The following MCM9 variants were observed in gnomAD, a reference collection of about 807,000 sequenced individuals.
MCM9 encodes the protein DNA helicase MCM9.
A neutral mutation model predicts 72.8 loss-of-function variants in MCM9; 55 were observed. The ratio of observed to expected loss-of-function variants is 0.76; its 90% CI spans 0.61 to 0.95. MCM9 has a LOEUF of 0.95. Ranked by LOEUF, MCM9 falls within the 40% of genes least tolerant of loss-of-function variation. The probability of loss-of-function intolerance (pLI) is 0.00; values close to 1 mark genes in which losing one functional copy is unlikely to be tolerated. For synonymous variants in MCM9, 480 were observed against 503.4 expected, an observed-to-expected ratio of 0.95 and a Z score of 0.62; for missense variants, 1,279 against 1,377.0, an observed-to-expected ratio of 0.93 and a Z score of 1.13.
Position 118,815,071 on chromosome 6 carries a change from C to G in MCM9, c.3185G>C (p.Cys1062Ser), listed in dbSNP as rs776426031. 1.3e-6 allele frequency: 2 copies of G among 1,550,780 alleles called. No individual in the cohort carries two copies. Among genetic ancestry groups the G allele is most frequent in the Admixed American group, 2.0e-5 (1 of 50,992 alleles). ...TTTGGATTCCGATGGGGGAGTAAAG[C>G]AGAAGTTTGCCAATCTGGCTAATGT... ...ACTLARLANF[C>S]FTPPSESKSK... Residue 1062 changes from cysteine (C) to serine (S), a missense_variant, in exon 14 of 14, where the codon TGC becomes TCC. Coordinates refer to ENST00000619706, the MANE Select transcript of MCM9 (RefSeq NM_017696.3).
At chr6:118,827,139 A>C (rs1774221629) in intron 11 of MCM9, among the ~76,000 whole-genome samples, 1 of 152,252 alleles carries the variant, frequency 6.6e-6, no homozygotes, top group African/African-American at 2.4e-5. Context: ...CATACATTTA[A>C]TATTCAGCAA....
Position 118,829,118 on chromosome 6 carries a change from G to A in MCM9, c.1458C>T (p.Ile486=). The change falls in exon 10 of 14, where the codon ATC becomes ATT. Residue 486 remains isoleucine (I), a synonymous_variant. Coordinates refer to ENST00000619706, the MANE Select transcript of MCM9 (RefSeq NM_017696.3). ...GSPLLSRFDL[I]LVLLDTKNED... is the part of the protein sequence containing the mutation. ...CATTCTTGGTATCAAGCAAAACCAG[G>A]ATCAGGTCAAATCGACTTAAGAGTG... 1 of 1,550,612 alleles carries A rather than the reference G, an allele frequency of 6.4e-7. No homozygotes were observed. The highest frequency in any genetic ancestry group is 2.0e-5 in the Admixed American group (1 of 50,994).
chr6:118,837,319 TG>T (rs1775029885), intron 9 of MCM9, among the ~76,000 whole-genome samples: 2 of 152,224 alleles, frequency 1.3e-5, no homozygotes, highest in African/African-American at 2.4e-5. Context: ...AAGTGCTATG[TG>T]GTGCTGAGAA....
At chr6:118,910,996 A>T in intron 8 of MCM9, 9 of 985,380 alleles carry the variant, frequency 9.1e-6, no homozygotes, top group Non-Finnish European at 1.1e-5. Context: ...AAGAACAGAA[A>T]CATTACCCAA....
rs531522525 is a variant in MCM9, at chr6:118,890,576, A to C, written c.1150+21074T>G. Among the ~76,000 whole-genome samples, 7 of 152,244 alleles carry C rather than the reference A, an allele frequency of 4.6e-5. No individual in the cohort carries two copies. The South Asian group carries it at 6.2e-4, about 14-fold the overall frequency. ...GAACCATAAGGTCTTTGTATGTCTT[A>C]TCTTTGACTATTTCTCACAGAGCCT... On this transcript the variant is annotated intron_variant, in intron 8 of 13. Transcript: ENST00000619706.
chr6:118,923,267 C>G (rs1199156456), intron 4 of MCM9, among the ~76,000 whole-genome samples: 2 of 150,500 alleles, frequency 1.3e-5, no homozygotes, highest in African/African-American at 4.9e-5. Flanking sequence ...AACTCCATAT[C>G]TTGTTCACTC....
intron 8 of MCM9, among the ~76,000 whole-genome samples, chr6:118,867,555 T>C (rs1183677080): frequency 4.6e-5 from 7 of 152,204 alleles, no homozygotes; most frequent in African/African-American, 1.7e-4. Flanking sequence ...GTATATTTTA[T>C]ATATTTAGAT....
At chr6:118,836,058 AG>A (rs1774935370) in intron 9 of MCM9, among the ~76,000 whole-genome samples, 3 of 152,188 alleles carry the variant, frequency 2.0e-5, no homozygotes, top group Non-Finnish European at 4.4e-5. Flanking sequence ...TTAGCATGAA[AG>A]GGTATTGAAT....
chr6:118,816,453 T>C (rs963598394), intron 13 of MCM9, among the ~76,000 whole-genome samples, 159 bp from the exon 14 acceptor site: 7 of 152,144 alleles, frequency 4.6e-5, no homozygotes, highest in African/African-American at 1.2e-4. Flanking sequence ...CAGAATGAAA[T>C]AATCCTTTTT....
intron 1 of MCM9, among the ~76,000 whole-genome samples, chr6:118,933,725 T>C (rs1247724256): frequency 6.6e-6 from 1 of 152,122 alleles, no homozygotes; most frequent in Non-Finnish European, 1.5e-5. Flanking sequence ...TCTGAGAACC[T>C]ACTATTCCGC....
At position 118,904,837 on chromosome 6, in the gene MCM9, A is replaced by AGTTTT. The variant is rs764227067; in HGVS notation, c.1150+6808_1150+6812dup. On this transcript the variant is annotated intron_variant, in intron 8 of 13. Coordinates refer to ENST00000619706, the MANE Select transcript of MCM9 (RefSeq NM_017696.3). ...ATGTAGCTATTTCCATCTCATTTTC[A>AGTTTT]GTTTTGTTTTGTTTTGTTTGAGACG... Among the ~76,000 whole-genome samples, 10 of 152,112 alleles carry AGTTTT rather than the reference A, an allele frequency of 6.6e-5. No individual in the cohort carries two copies. In the East Asian group the frequency reaches 7.7e-4, roughly 12 times the overall value.
Position 118,932,708 on chromosome 6 carries a change from C to T in MCM9, c.-117G>A, listed in dbSNP as rs1782540644. ...TTTGTTTCCTTCTTTCTCTTTCTTA[C>T]CGTAGGAAATCTACTGGGTTCTGCA... On this transcript the variant is annotated 5_prime_UTR_variant, in exon 2 of 14. Coordinates refer to ENST00000619706, the MANE Select transcript of MCM9 (RefSeq NM_017696.3). 18 of 714,050 alleles carry T rather than the reference C, an allele frequency of 2.5e-5. No homozygotes were observed. Among genetic ancestry groups the T allele is most frequent in the Non-Finnish European group, 3.1e-5 (18 of 582,228 alleles). 44.2% of individuals were successfully genotyped at this position (714,050 alleles called of 1,614,324 possible).
intron 3 of MCM9, among the ~76,000 whole-genome samples, chr6:118,926,427 CAG>C (rs1246355357): frequency 1.3e-5 from 2 of 152,146 alleles, no homozygotes; most frequent in Non-Finnish European, 2.9e-5. Context: ...AAGTGACAAA[CAG>C]AATAATTTAT....
At chr6:118,868,714 A>C (rs1189415831) in intron 8 of MCM9, among the ~76,000 whole-genome samples, 2 of 152,238 alleles carry the variant, frequency 1.3e-5, no homozygotes, top group South Asian at 4.1e-4. Context: ...AACCACAATG[A>C]GATACCATCT....
intron 8 of MCM9, among the ~76,000 whole-genome samples, chr6:118,867,907 C>T (rs1242734464): frequency 1.6e-5 from 2 of 123,508 alleles, no homozygotes; most frequent in Non-Finnish European, 3.2e-5. Context: ...GATGAAGTCT[C>T]ACTCTGGTGC....
chr6:118,910,499 A>G, intron 8 of MCM9: 1 of 479,814 alleles, frequency 2.1e-6, no homozygotes, highest in Non-Finnish European at 2.7e-6. Context: ...TTCACTTTCA[A>G]ACTGCCCAAA....
chr6:118,815,908 C>T lies in MCM9; in HGVS notation c.2348G>A (p.Gly783Asp). 1 of 1,546,456 alleles carries T rather than the reference C, an allele frequency of 6.5e-7. No homozygotes were observed. The change falls in exon 14 of 14, where the codon GGT becomes GAT. Residue 783 changes from glycine to aspartate, a missense_variant. Coordinates refer to ENST00000619706, the MANE Select transcript of MCM9 (RefSeq NM_017696.3). ...TTGGCCTGGCTCACTCTTCTCCTTA[C>T]CCTGAGATGTGCTGTTAGAGATCTT... ...ASKISNSTSQGKEKSEPGQRS... is the reference protein window; with the variant it reads ...ASKISNSTSQDKEKSEPGQRS...
intron 9 of MCM9, among the ~76,000 whole-genome samples, chr6:118,852,152 CATGT>C (rs1776270986): frequency 6.6e-6 from 1 of 152,128 alleles, no homozygotes; most frequent in Admixed American, 6.5e-5. Flanking sequence ...AACACAAAGG[CATGT>C]ATTTGTGCAT....
At chr6:118,897,835 AAAC>A (rs1044930027) in intron 8 of MCM9, among the ~76,000 whole-genome samples, 5 of 152,050 alleles carry the variant, frequency 3.3e-5, no homozygotes, top group East Asian at 1.9e-4. Flanking sequence ...TTAAAAAAAA[AAAC>A]AACAAAAAAA....
Sources: allele counts gnomAD v4.1 joint callset (sites outside exome capture counted in the v4.1 genomes callset), GRCh38; gene constraint gnomAD v4.1.1; transcripts MANE v1.5; gene names NCBI Gene and HGNC (gene_info 2026-07-23, HGNC 2026-07-21).